Variants in ARHGEF3 observed in about 807,000 individuals in gnomAD.
ARHGEF3 encodes Rho guanine nucleotide exchange factor 3.
Under a neutral mutation model 63.2 loss-of-function variants are expected in ARHGEF3, and 28 were observed. The ratio of observed to expected loss-of-function variants is 0.44; its 90% confidence interval spans 0.33 to 0.61. The LOEUF (loss-of-function observed/expected upper bound fraction) is 0.61. Ranked by LOEUF, ARHGEF3 falls within the 20% of genes least tolerant of loss-of-function variation. The pLI is 0.03. For missense variants in ARHGEF3, 533 were observed against 659.3 expected (o/e 0.81, Z 2.10); for synonymous variants, 266 against 254.2 (o/e 1.05, Z -0.44).
chr3:56,995,634 A>C (rs1266439038), intron 2 of ARHGEF3, among the ~76,000 whole-genome samples: 3 of 73,220 alleles, frequency 4.1e-5, no homozygotes, highest in Non-Finnish European at 9.3e-5. Context: ...AGAGAGAGAG[A>C]GAGAGAGAGA....
intron 3 of ARHGEF3, among the ~76,000 whole-genome samples, chr3:56,913,652 C>G (rs187918568): frequency 9.6e-4 from 146 of 152,254 alleles, no homozygotes; most frequent in Admixed American, 2.4e-3. Context: ...AATTCTACTT[C>G]TGGGTATATA....
chr3:57,002,523 G>GTTATATATATA (rs1560123186), intron 2 of ARHGEF3, among the ~76,000 whole-genome samples: 2 of 27,628 alleles, frequency 7.2e-5, no homozygotes, highest in African/African-American at 1.8e-4. Context: ...TGTTATATAT[G>GTTATATATATA]TATGTTATAT....
chr3:57,062,884 T>G (rs930417376), intron 1 of ARHGEF3, among the ~76,000 whole-genome samples: 1 of 152,206 alleles, frequency 6.6e-6, no homozygotes, highest in African/African-American at 2.4e-5. Context: ...GGCAAGGCAC[T>G]GGGGACATGA....
intron 3 of ARHGEF3, among the ~76,000 whole-genome samples, chr3:56,888,103 CTT>C (rs3034853): frequency 0.15 from 21,133 of 142,872 alleles, 1,646 homozygotes; most frequent in Non-Finnish European, 0.19. Flanking sequence ...CAAATAAGAG[CTT>C]TTTTTTTTTT....
chr3:56,961,067 T>C (rs1306843560), intron 2 of ARHGEF3, among the ~76,000 whole-genome samples: 2 of 152,190 alleles, frequency 1.3e-5, no homozygotes, highest in African/African-American at 2.4e-5. Context: ...TAACACAGAT[T>C]CAATTACAGA....
intron 2 of ARHGEF3, among the ~76,000 whole-genome samples, chr3:57,012,691 C>G (rs1257092233): frequency 6.6e-6 from 1 of 152,172 alleles, no homozygotes; most frequent in African/African-American, 2.4e-5. Flanking sequence ...GGTTTTGCAC[C>G]CAGGATTCTG....
At chr3:57,031,212 G>A (rs929089735) in intron 2 of ARHGEF3, among the ~76,000 whole-genome samples, 3 of 152,210 alleles carry the variant, frequency 2.0e-5, no homozygotes, top group African/African-American at 4.8e-5. Flanking sequence ...GAGGTGAGAC[G>A]TAGCCCCATG....
chr3:56,938,713 TCATC>T (rs773203821), intron 3 of ARHGEF3: 5 of 152,222 alleles, frequency 3.3e-5, no homozygotes, highest in Non-Finnish European at 7.3e-5. Context: ...AGCCAGCTGT[TCATC>T]CAGCTAATTG....
chr3:56,962,851 C>T (rs978111494), intron 2 of ARHGEF3, among the ~76,000 whole-genome samples: 3 of 152,174 alleles, frequency 2.0e-5, no homozygotes, highest in African/African-American at 7.2e-5. Context: ...ATAAGGTCAG[C>T]AGCAATAGGC....
At chr3:56,970,242 T>A (rs557493611) in intron 2 of ARHGEF3, among the ~76,000 whole-genome samples, 9 of 152,336 alleles carry the variant, frequency 5.9e-5, no homozygotes, top group Admixed American at 5.2e-4. Flanking sequence ...ATGTGTATTC[T>A]ACTACAATTT....
intron 2 of ARHGEF3, among the ~76,000 whole-genome samples, chr3:56,973,432 G>A (rs1194221667): frequency 6.6e-6 from 1 of 152,216 alleles, no homozygotes; most frequent in Non-Finnish European, 1.5e-5. Context: ...ACAATGGGAA[G>A]ATAGCAAAGG....
At chr3:57,066,043 A>C (rs552145448) in intron 1 of ARHGEF3, among the ~76,000 whole-genome samples, 1,418 of 139,076 alleles carry the variant, frequency 0.01, 36 homozygotes, top group African/African-American at 0.036. Flanking sequence ...TCCAAAACAA[A>C]AAAAAAAAAC....
At chr3:56,904,645 T>C (rs1000017976) in intron 3 of ARHGEF3, among the ~76,000 whole-genome samples, 2 of 152,330 alleles carry the variant, frequency 1.3e-5, no homozygotes, top group Non-Finnish European at 1.5e-5. Context: ...GATTCATACA[T>C]CTGCTCCTGC....
chr3:56,962,881 T>C (rs1700341040), intron 2 of ARHGEF3, among the ~76,000 whole-genome samples: 1 of 152,180 alleles, frequency 6.6e-6, no homozygotes, highest in South Asian at 2.1e-4. Context: ...AGTGCAGAAT[T>C]TATTTTCCCA....
intron 1 of ARHGEF3, among the ~76,000 whole-genome samples, chr3:56,794,564 A>T (rs1197185833): frequency 2.6e-5 from 4 of 151,150 alleles, no homozygotes; most frequent in African/African-American, 7.3e-5. Flanking sequence ...CTAAGAAAGG[A>T]TTTTCTCATC....
intron 4 of ARHGEF3, among the ~76,000 whole-genome samples, chr3:56,813,005 A>G (rs1401985252): frequency 1.3e-5 from 2 of 152,234 alleles, no homozygotes. Context: ...TTCCTCCTTG[A>G]ACTTTAATAA....
At chr3:57,029,832 C>T (rs11130566) in intron 2 of ARHGEF3, among the ~76,000 whole-genome samples, 60,309 of 151,916 alleles carry the variant, frequency 0.4, 12,817 homozygotes, top group Non-Finnish European at 0.47. Flanking sequence ...TTGCAAACCT[C>T]GGGCTCTTGC....
chr3:56,919,714 T>C (rs2042076745), intron 3 of ARHGEF3, among the ~76,000 whole-genome samples: 1 of 152,208 alleles, frequency 6.6e-6, no homozygotes, highest in Non-Finnish European at 1.5e-5. Context: ...ATTTTTTATG[T>C]TTTAATATGA....
chr3:56,835,983 T>G (rs1315028452), intron 4 of ARHGEF3, among the ~76,000 whole-genome samples: 2 of 152,222 alleles, frequency 1.3e-5, no homozygotes, highest in Non-Finnish European at 2.9e-5. Flanking sequence ...AAATCATGTC[T>G]CTTAGAAAAA....
Sources: allele counts gnomAD v4.1 joint callset (sites outside exome capture counted in the v4.1 genomes callset), GRCh38; gene constraint gnomAD v4.1.1; transcripts MANE v1.5; gene names NCBI Gene and HGNC (gene_info 2026-07-23, HGNC 2026-07-21).